The following ACOXL variants were observed in gnomAD, a reference collection of about 807,000 sequenced individuals.
ACOXL encodes the protein acyl-CoA oxidase like.
In ACOXL, 70 loss-of-function variants were observed where a neutral mutation model predicts 71.9. The ratio of observed to expected loss-of-function variants is 0.97; its 90% CI spans 0.80 to 1.19. The LOEUF is 1.19. Among genes scored for constraint, ACOXL ranks in the 50% most tolerant of loss-of-function variants. The pLI, the probability that ACOXL is intolerant of heterozygous loss-of-function variation, is 0.00. For synonymous variants in ACOXL, 253 were observed against 281.6 expected, an observed-to-expected ratio of 0.90 and a Z score of 1.02; for missense variants, 703 against 736.3, an observed-to-expected ratio of 0.95 and a Z score of 0.52.
At chr2:110,988,491 T>C (rs2063031643) in intron 13 of ACOXL, among the ~76,000 whole-genome samples, 1 of 152,168 alleles carries the variant, frequency 6.6e-6, no homozygotes, top group Non-Finnish European at 1.5e-5. Flanking sequence ...ACCTTTTAGT[T>C]ATTTGCAATC....
At position 110,950,810 on chromosome 2, in the gene ACOXL, GGAGAGA is replaced by G. The variant is rs71383892; in HGVS notation, c.1059+17188_1059+17193del. Among the ~76,000 whole-genome samples, 13 of 142,872 alleles carry G rather than the reference GGAGAGA, an allele frequency of 9.1e-5. 1 individual carries two copies. Among genetic ancestry groups the G allele is most frequent in the East Asian group, 7.0e-4 (3 of 4,290 alleles). The allele number at this position is 142,872 out of a possible 152,430, so 93.7% of individuals were successfully genotyped here. ...ATCTTAAGGAGGAAGGGTGGGGGGT[GGAGAGA>G]GAGAGAGAGAGAGAGAGAGGGAAGT... is the stretch of plus-strand genomic sequence containing the variant. On this transcript the variant is annotated intron_variant, in intron 12 of 17. Coordinates refer to ENST00000439055, the MANE Select transcript of ACOXL (RefSeq NM_001142807.4).
chr2:110,811,951 A>G (rs1388289597), intron 9 of ACOXL, among the ~76,000 whole-genome samples: 1 of 152,158 alleles, frequency 6.6e-6, no homozygotes, highest in Non-Finnish European at 1.5e-5. Flanking sequence ...AATACCAATA[A>G]TGACTTGCAG....
intron 5 of ACOXL, among the ~76,000 whole-genome samples, chr2:110,796,828 C>T (rs1031915510): frequency 2.0e-5 from 3 of 152,194 alleles, no homozygotes; most frequent in Non-Finnish European, 4.4e-5. Flanking sequence ...TTAAAAGTTT[C>T]CCTGTGCAAA....
At chr2:110,944,596 A>G (rs1308285731) in intron 12 of ACOXL, among the ~76,000 whole-genome samples, 1 of 151,980 alleles carries the variant, frequency 6.6e-6, no homozygotes, top group East Asian at 1.9e-4. Context: ...AGAATGTGGT[A>G]TTTGGTTTTC....
chr2:110,851,593 G>T (rs575595072), intron 10 of ACOXL, among the ~76,000 whole-genome samples: 2 of 152,234 alleles, frequency 1.3e-5, no homozygotes. Context: ...TAGACTGTGT[G>T]GTGCTTCAGT....
At chr2:110,955,218 G>A (rs765553316) in intron 12 of ACOXL, among the ~76,000 whole-genome samples, 25 of 152,184 alleles carry the variant, frequency 1.6e-4, no homozygotes, top group African/African-American at 3.6e-4. Flanking sequence ...CCTTCTAGGC[G>A]TATTAGGCTG....
chr2:111,062,306 C>G (rs1558927218), intron 16 of ACOXL, among the ~76,000 whole-genome samples: 1 of 151,484 alleles, frequency 6.6e-6, no homozygotes, highest in Non-Finnish European at 1.5e-5. Context: ...AACATGACAG[C>G]TACAAAATAT....
intron 2 of ACOXL, among the ~76,000 whole-genome samples, chr2:110,768,781 T>G (rs1394537458): frequency 1.3e-5 from 2 of 152,180 alleles, no homozygotes; most frequent in Non-Finnish European, 2.9e-5. Flanking sequence ...TAGCTCTCAC[T>G]TATAAGTAAG....
At chr2:111,080,267 A>G (rs2067836713) in intron 16 of ACOXL, among the ~76,000 whole-genome samples, 1 of 151,746 alleles carries the variant, frequency 6.6e-6, no homozygotes, top group South Asian at 2.1e-4. Context: ...CTAGCTTTTG[A>G]ATTTGTTTGC....
chr2:111,022,767 C>T (rs1303632127), intron 14 of ACOXL, among the ~76,000 whole-genome samples: 2 of 152,070 alleles, frequency 1.3e-5, no homozygotes, highest in Admixed American at 6.5e-5. Context: ...CAGAGGGAGG[C>T]GAGGGCAGGT....
chr2:110,789,207 C>T (rs79274043), intron 3 of ACOXL, among the ~76,000 whole-genome samples: 3 of 152,248 alleles, frequency 2.0e-5, no homozygotes, highest in African/African-American at 7.2e-5. Flanking sequence ...AAAAGATTGT[C>T]TTTATTGGTG....
chr2:110,827,970 C>T (rs904993012), intron 9 of ACOXL, among the ~76,000 whole-genome samples: 5 of 152,034 alleles, frequency 3.3e-5, no homozygotes, highest in Non-Finnish European at 7.4e-5. Context: ...TTATTATTCT[C>T]CTATTATTAT....
At chr2:110,768,150 G>T (rs1681364216) in intron 1 of ACOXL, among the ~76,000 whole-genome samples, 1 of 151,980 alleles carries the variant, frequency 6.6e-6, no homozygotes, top group Admixed American at 6.6e-5. Context: ...ATATTAATAA[G>T]AAGAATAAGA....
At chr2:111,103,307 AAAAT>A (rs1401480444) in intron 17 of ACOXL, among the ~76,000 whole-genome samples, 3 of 152,062 alleles carry the variant, frequency 2.0e-5, no homozygotes, top group African/African-American at 7.2e-5. Flanking sequence ...AAAAAATTAA[AAAAT>A]AAATAAATAA....
Position 111,021,334 on chromosome 2 carries a change from G to T in ACOXL, c.1282-10293G>T, listed in dbSNP as rs79986583. On this transcript the variant is annotated intron_variant, in intron 14 of 17. Transcript: ENST00000439055. Reference sequence around the variant, plus strand: ...ACTTCTCTTTCTCCGTGGGAAACAAGCTGGGAACTGTGGACATCAGGGTGC... The same window carrying T: ...ACTTCTCTTTCTCCGTGGGAAACAATCTGGGAACTGTGGACATCAGGGTGC... Among the ~76,000 whole-genome samples the T allele has an allele frequency of 3.9e-3, 600 of 152,342 alleles. 6 individuals are homozygous for T. In the Middle Eastern group the frequency reaches 0.051, roughly 13 times the overall value.
intron 2 of ACOXL, among the ~76,000 whole-genome samples, chr2:110,779,669 A>G (rs1002492423): frequency 6.6e-6 from 1 of 152,252 alleles, no homozygotes; most frequent in Non-Finnish European, 1.5e-5. Context: ...AAACTCACAC[A>G]TATATGACCA....
intron 11 of ACOXL, among the ~76,000 whole-genome samples, chr2:110,922,996 G>A (rs1558735236): frequency 6.6e-6 from 1 of 152,098 alleles, no homozygotes; most frequent in Admixed American, 6.6e-5. Flanking sequence ...TTATAGCTCT[G>A]CAGCTTCTTT....
intron 17 of ACOXL, among the ~76,000 whole-genome samples, chr2:111,104,045 C>A (rs934491337): frequency 4.6e-5 from 7 of 152,162 alleles, no homozygotes; most frequent in African/African-American, 1.7e-4. Context: ...ATAATTTTGT[C>A]ATTTCAGGAA....
chr2:110,912,751 T>C (rs966070024), intron 11 of ACOXL, among the ~76,000 whole-genome samples: 1 of 152,130 alleles, frequency 6.6e-6, no homozygotes, highest in Non-Finnish European at 1.5e-5. Context: ...AGTGTATACA[T>C]TGGACTTCAT....
Sources: gnomAD v4.1 joint callset for allele counts (sites outside exome capture counted in the v4.1 genomes callset) on GRCh38, gnomAD v4.1.1 for gene constraint, MANE v1.5 for transcripts, NCBI Gene and HGNC (gene_info 2026-07-23, HGNC 2026-07-21) for gene names.